Variants in IP6K1 observed in about 807,000 individuals in gnomAD.
IP6K1 encodes the protein ATP:1D-myo-inositol-hexakisphosphate phosphotransferase.
In IP6K1, 13 loss-of-function variants were observed where a neutral mutation model predicts 38.3. That is an observed-to-expected ratio of 0.34 (90% CI 0.22 to 0.54). IP6K1 has a LOEUF of 0.54. IP6K1 is among the 20% of genes least tolerant of loss of function. The pLI is 0.92. For missense variants in IP6K1, 397 were observed against 599.8 expected (o/e 0.66, Z 3.53); for synonymous variants, 212 against 229.9 (o/e 0.92, Z 0.70).
chr3:49,773,625 TAATA>T (rs2080978693), intron 1 of IP6K1, among the ~76,000 whole-genome samples: 1 of 152,096 alleles, frequency 6.6e-6, no homozygotes, highest in Non-Finnish European at 1.5e-5. Context: ...TCTCAAAAAT[TAATA>T]AATAAAAAAG....
intron 4 of IP6K1, among the ~76,000 whole-genome samples, chr3:49,731,351 A>T (rs2080560353): frequency 6.6e-6 from 1 of 152,140 alleles, no homozygotes; most frequent in South Asian, 2.1e-4. Context: ...GCAGATAGAC[A>T]CTCAGCATCA....
At chr3:49,729,386 T>C (rs1053523907) in intron 4 of IP6K1, among the ~76,000 whole-genome samples, 3 of 151,996 alleles carry the variant, frequency 2.0e-5, no homozygotes, top group African/African-American at 7.2e-5. Flanking sequence ...GGTATTTTTA[T>C]GTTGATTTAT....
chr3:49,770,514 G>A (rs187001372), intron 1 of IP6K1, among the ~76,000 whole-genome samples: 28 of 152,162 alleles, frequency 1.8e-4, no homozygotes, highest in Admixed American at 1.7e-3. Context: ...GGTGTGCAGA[G>A]CTCACCTGTA....
At chr3:49,785,763 A>G (rs1370044393) in intron 1 of IP6K1, 1 of 152,236 alleles carries the variant, frequency 6.6e-6, no homozygotes, top group African/African-American at 2.4e-5. Flanking sequence ...AAACTCAGCC[A>G]TTATGGACAT....
chr3:49,736,930 C>G (rs1234223194), intron 3 of IP6K1, among the ~76,000 whole-genome samples: 1 of 151,844 alleles, frequency 6.6e-6, no homozygotes, highest in Non-Finnish European at 1.5e-5. Context: ...CACCACCATG[C>G]CCGGCTAATT....
intron 1 of IP6K1, among the ~76,000 whole-genome samples, chr3:49,776,994 G>T (rs1007971421): frequency 1.3e-5 from 2 of 152,176 alleles, no homozygotes; most frequent in Admixed American, 1.3e-4. Flanking sequence ...CAGCACTTGG[G>T]GAGGCCAAGG....
chr3:49,734,492 T>C (rs2080589555), intron 3 of IP6K1, among the ~76,000 whole-genome samples: 1 of 144,604 alleles, frequency 6.9e-6, no homozygotes. Context: ...GCCTCTCCTC[T>C]AACTGTGTGG....
intron 1 of IP6K1, among the ~76,000 whole-genome samples, chr3:49,757,046 A>C (rs2080829789): frequency 6.6e-6 from 1 of 152,162 alleles, no homozygotes; most frequent in Non-Finnish European, 1.5e-5. Context: ...AGGATGGGAG[A>C]AATGGTTCTA....
intron 4 of IP6K1, 174 bp from the exon 5 acceptor site, chr3:49,728,452 G>A: frequency 1.7e-6 from 1 of 581,378 alleles, no homozygotes. Flanking sequence ...TAAAAACTGT[G>A]GTAAAATATA....
At chr3:49,756,817 CAAAAAAAAAAA>C (rs59808252) in intron 1 of IP6K1, among the ~76,000 whole-genome samples, 2 of 133,284 alleles carry the variant, frequency 1.5e-5, no homozygotes, top group Non-Finnish European at 3.1e-5. Context: ...AACTCCATCT[CAAAAAAAAAAA>C]AAAAAAAAAA....
intron 1 of IP6K1, among the ~76,000 whole-genome samples, chr3:49,780,091 C>T (rs2081051747): frequency 6.6e-6 from 1 of 152,144 alleles, no homozygotes; most frequent in African/African-American, 2.4e-5. Flanking sequence ...ACCCTGCCCT[C>T]CTTTTATATA....
intron 3 of IP6K1, among the ~76,000 whole-genome samples, chr3:49,736,769 A>T (rs1406162001): frequency 9.0e-6 from 1 of 110,790 alleles, no homozygotes; most frequent in Non-Finnish European, 1.8e-5. Flanking sequence ...TTTTGGATTT[A>T]ATTTTTTTTT....
chr3:49,780,886 A>G (rs568848289), intron 1 of IP6K1, among the ~76,000 whole-genome samples: 1 of 151,938 alleles, frequency 6.6e-6, no homozygotes, highest in African/African-American at 2.4e-5. Context: ...CTACTTGCCC[A>G]CTCCCTTCTA....
At chr3:49,738,459 C>T in intron 2 of IP6K1, 37 bp from the exon 3 acceptor site, 2 of 1,528,968 alleles carry the variant, frequency 1.3e-6, no homozygotes, top group Non-Finnish European at 1.8e-6. Flanking sequence ...CAAATGTCAA[C>T]ACAGGCCGAG....
At chr3:49,739,378 G>C (rs1344469663) in intron 2 of IP6K1, among the ~76,000 whole-genome samples, 1 of 136,572 alleles carries the variant, frequency 7.3e-6, no homozygotes, top group Non-Finnish European at 1.5e-5. Flanking sequence ...TTTTGAGACA[G>C]AGTCTCGCTC....
chr3:49,727,342 G>A lies in IP6K1; in HGVS notation c.1106C>T (p.Ala369Val), dbSNP rs774840073. The stretch of plus-strand genomic sequence containing the variant: ...GCTGGTGCTGGGGCCACAGGATGAC[G>A]CCACCTCAGGGAGCACCATGTCCAG... ...KHLDMVLPEV[A>V]SSCGPSTSPS... The change falls in exon 6 of 6, where the codon GCG (alanine) becomes GTG (valine). Residue 369 changes from alanine to valine, a missense_variant. Around this residue, in one of 3 missense-constraint regions of IP6K1, gnomAD observed 164 missense variants for 213.5 expected, o/e 0.77. Transcript: ENST00000321599. This position sits in a 1 kb window ranked among gnomAD's most constrained non-coding sequence, Gnocchi z 5.9. The A allele has an allele frequency of 2.5e-5, 40 of 1,613,900 alleles. No homozygotes were observed. The highest frequency in any genetic ancestry group is 6.7e-5 in the African/African-American group (5 of 74,904).
chr3:49,768,782 A>G (rs2080932475), intron 1 of IP6K1, among the ~76,000 whole-genome samples: 1 of 152,126 alleles, frequency 6.6e-6, no homozygotes, highest in African/African-American at 2.4e-5. Context: ...AAATAAAATA[A>G]AATAAAATAG....
At position 49,738,243 on chromosome 3, in the gene IP6K1, T is replaced by C. The variant is rs1287224602; in HGVS notation, c.403A>G (p.Lys135Glu). 6.2e-7 allele frequency: 1 copy of C among 1,614,182 alleles called. No individual in the cohort carries two copies. ...GAGGTCTCAAGGGACAGGCTGGCTTTCTCCTCCTTGTGGTCACTGCCACTG... is the reference window on the plus strand; with the variant it reads ...GAGGTCTCAAGGGACAGGCTGGCTTCCTCCTCCTTGTGGTCACTGCCACTG... ...SGSGSDHKEE[K>E]ASLSLETSES... The change falls in exon 3 of 6, where the codon AAA (lysine) becomes GAA (glutamate). Residue 135 changes from lysine (K) to glutamate (E), a missense_variant. By Grantham distance (56) the Lys-to-Glu change is moderately conservative. This residue lies in a region of IP6K1 where 171 missense variants were observed against 237.0 expected (regional missense o/e 0.72). Coordinates refer to ENST00000321599, the MANE Select transcript of IP6K1 (RefSeq NM_153273.4).
chr3:49,774,422 A>AAAAAAAAG (rs1559715525), intron 1 of IP6K1, among the ~76,000 whole-genome samples: 2 of 150,838 alleles, frequency 1.3e-5, no homozygotes, highest in Non-Finnish European at 3.0e-5. Context: ...AAAAAAAAAA[A>AAAAAAAAG]AAAAAAAGAA....
Sources: gnomAD v4.1 joint callset for allele counts (sites outside exome capture counted in the v4.1 genomes callset) on GRCh38, gnomAD v4.1.1 for gene constraint, gnomAD v4.1.1 regional missense constraint, Gnocchi (gnomAD v3.1) non-coding constraint, MANE v1.5 for transcripts, NCBI Gene and HGNC (gene_info 2026-07-23, HGNC 2026-07-21) for gene names.